The following DICER1 variants were observed in gnomAD, a reference collection of about 807,000 sequenced individuals.
DICER1 encodes endoribonuclease Dicer.
In DICER1, 43 loss-of-function variants were observed where a neutral mutation model predicts 194.1. That is an observed-to-expected ratio of 0.22 (90% CI 0.17 to 0.29). The LOEUF (loss-of-function observed/expected upper bound fraction) is 0.29. Ranked by LOEUF, DICER1 falls within the 10% of genes least tolerant of loss-of-function variation. The pLI, the probability that DICER1 is intolerant of heterozygous loss-of-function variation, is 1.00. For missense variants in DICER1, 1,608 were observed against 2,317.0 expected (o/e 0.69, Z 6.28); for synonymous variants, 832 against 820.5 (o/e 1.01, Z -0.24).
At chr14:95,098,727 C>G (rs1890584821) in intron 22 of DICER1, among the ~76,000 whole-genome samples, 1 of 152,168 alleles carries the variant, frequency 6.6e-6, no homozygotes, top group East Asian at 1.9e-4. Context: ...CTCTAAGGTT[C>G]TACATATTTC....
rs1399643643 is a variant in DICER1, at chr14:95,086,799, G to T, written c.*3699C>A. On this transcript the variant is annotated 3_prime_UTR_variant, in exon 27 of 27. Coordinates refer to ENST00000343455, the MANE Select transcript of DICER1 (RefSeq NM_177438.3). ...CTTTTCATGTACAATATAAAATAAA[G>T]AAATTTATCTGGAAATAATTAAATT... 4 of 232,038 alleles carry T rather than the reference G, an allele frequency of 1.7e-5. No individual in the cohort carries two copies. The highest frequency in any genetic ancestry group is 8.8e-5 in the African/African-American group (4 of 45,256). The allele number at this position is 232,038 out of a possible 1,614,324, so 14.4% of individuals were successfully genotyped here. A position where few individuals can be genotyped will look rare whatever the true frequency, so the allele number is the denominator to read the frequency against.
chr14:95,103,561 G>T lies in DICER1; in HGVS notation c.3835C>A (p.Gln1279Lys). 1 of 1,614,162 alleles carries T rather than the reference G, an allele frequency of 6.2e-7. No individual in the cohort carries two copies. Among genetic ancestry groups the T allele is most frequent in the Non-Finnish European group, 8.5e-7 (1 of 1,180,016 alleles). Reference sequence around the variant, plus strand: ...GAGGAGTACCCAATAGAAGGGCTCTGCTCAGAATCCATCCTGCCCTTGAGC... The same window carrying T: ...GAGGAGTACCCAATAGAAGGGCTCTTCTCAGAATCCATCCTGCCCTTGAGC... The part of the protein sequence containing the change: ...QVLKGRMDSE[Q>K]SPSIGYSSRT... Residue 1279 changes from glutamine (Q) to lysine (K), a missense_variant, in exon 21 of 27, where the codon CAG (glutamine) becomes AAG (lysine). Physicochemically the swap from Gln to Lys is moderately conservative, Grantham distance 53 (BLOSUM62 1). Around this residue, in one of 10 missense-constraint regions of DICER1, gnomAD observed 222 missense variants for 215.5 expected, o/e 1.03. Transcript: ENST00000343455.
chr14:95,107,545 C>G, intron 17 of DICER1, 63 bp downstream of exon 17: 2 of 1,572,912 alleles, frequency 1.3e-6, no homozygotes, highest in Non-Finnish European at 1.7e-6. Flanking sequence ...CCACCGTGCC[C>G]GACCTAGTGC....
At chr14:95,134,807 T>C (rs944252719) in intron 1 of DICER1, among the ~76,000 whole-genome samples, 3 of 152,204 alleles carry the variant, frequency 2.0e-5, no homozygotes, top group Non-Finnish European at 4.4e-5. Context: ...ACGCTCATCA[T>C]CTTTCCAGAA....
chr14:95,127,348 T>C (rs1241738381), intron 6 of DICER1, among the ~76,000 whole-genome samples: 1 of 152,230 alleles, frequency 6.6e-6, no homozygotes, highest in Non-Finnish European at 1.5e-5. Flanking sequence ...CATGCCTTCC[T>C]AAAGTGGTAC....
chr14:95,153,059 T>C (rs1566835240), intron 1 of DICER1, among the ~76,000 whole-genome samples: 1 of 151,558 alleles, frequency 6.6e-6, no homozygotes, highest in Non-Finnish European at 1.5e-5. Flanking sequence ...CTACTAAAAA[T>C]ACAAAAAATT....
At position 95,087,098 on chromosome 14, in the gene DICER1, C is replaced by A. The variant is rs1889394733; in HGVS notation, c.*3400G>T. The A allele has an allele frequency of 4.3e-6, 1 of 233,286 alleles. No homozygotes were observed. Among genetic ancestry groups the A allele is most frequent in the African/African-American group, 2.2e-5 (1 of 45,438 alleles). The allele number at this position is 233,286 out of a possible 1,614,324, so 14.5% of individuals were successfully genotyped here. A position where few individuals can be genotyped will look rare whatever the true frequency, so the allele number is the denominator to read the frequency against. On this transcript the variant is annotated 3_prime_UTR_variant, in exon 27 of 27. Coordinates refer to ENST00000343455, the MANE Select transcript of DICER1 (RefSeq NM_177438.3). ...GCATGAACTGCGCTCGATCTGGATT[C>A]CAGTGATCCTCTGCAGTGCCCACCT...
At chr14:95,117,349 G>C (rs184388824) in intron 9 of DICER1, among the ~76,000 whole-genome samples, 30 of 152,264 alleles carry the variant, frequency 2.0e-4, no homozygotes, top group African/African-American at 6.3e-4. Flanking sequence ...ATGAAATGCA[G>C]TTGTGTAACA....
At chr14:95,100,893 G>C (rs1436393872) in intron 21 of DICER1, among the ~76,000 whole-genome samples, 1 of 152,214 alleles carries the variant, frequency 6.6e-6, no homozygotes, top group Admixed American at 6.5e-5. Flanking sequence ...AGGAGGGTAC[G>C]TGTGACCACT....
At chr14:95,104,791 A>G (rs1891260017) in intron 20 of DICER1, among the ~76,000 whole-genome samples, 1 of 152,196 alleles carries the variant, frequency 6.6e-6, no homozygotes, top group South Asian at 2.1e-4. Flanking sequence ...TTGCTTTTTA[A>G]CATATATTTG....
At chr14:95,100,383 G>A (rs1233471155) in intron 21 of DICER1, among the ~76,000 whole-genome samples, 2 of 152,198 alleles carry the variant, frequency 1.3e-5, no homozygotes, top group African/African-American at 4.8e-5. Context: ...AGCTCTAGCT[G>A]CAAAGTGAAA....
intron 1 of DICER1, among the ~76,000 whole-genome samples, chr14:95,146,481 C>T (rs919521801): frequency 2.0e-5 from 3 of 152,238 alleles, no homozygotes; most frequent in African/African-American, 7.2e-5. Flanking sequence ...AACCACACAA[C>T]TTCGGGTGGG....
rs374971328 is a variant in DICER1, at chr14:95,150,732, T to C, written c.-46+6498A>G. ...TAATTACAAATGAAAACTAGTATTT[T>C]TATTCAGTGGAAAAACCAGATAGAT... On this transcript the variant is annotated intron_variant, in intron 1 of 26. Coordinates refer to ENST00000343455, the MANE Select transcript of DICER1 (RefSeq NM_177438.3). Among the ~76,000 whole-genome samples the C allele has an allele frequency of 3.3e-4, 50 of 152,324 alleles. No homozygotes were observed. In the East Asian group the frequency reaches 6.4e-3, roughly 19 times the overall value.
In DICER1 at chr14:95,103,754, A is replaced by C; in HGVS notation, c.3642T>G (p.Thr1214=). 1 of 1,614,180 alleles carries C rather than the reference A, an allele frequency of 6.2e-7. No individual in the cohort carries two copies. The highest frequency in any genetic ancestry group is 8.5e-7 in the Non-Finnish European group (1 of 1,180,014). The change falls in exon 21 of 27, where the codon ACT becomes ACG. Residue 1214 remains threonine, a synonymous_variant. Coordinates refer to ENST00000343455, the MANE Select transcript of DICER1 (RefSeq NM_177438.3). The part of the protein sequence containing the change: ...YYKQEIPVQP[T]TSYSIQNLYS... ...ATAAATTCTGAATGGAATATGAGGT[A>C]GTTGGTTGCACGGGTATTTCCTGCT...
At chr14:95,090,811 G>C (rs1431021583) in intron 26 of DICER1, 148 bp from the exon 27 acceptor site, 2 of 1,044,164 alleles carry the variant, frequency 1.9e-6, no homozygotes, top group Non-Finnish European at 2.9e-6. Flanking sequence ...TACTGCAATT[G>C]CATACCCCCG....
At chr14:95,112,881 T>G (rs980729117) in intron 12 of DICER1, among the ~76,000 whole-genome samples, 15 of 152,238 alleles carry the variant, frequency 9.9e-5, no homozygotes, top group Non-Finnish European at 2.2e-4. Context: ...AATATGAACA[T>G]GTAGATGACT....
intron 15 of DICER1, 36 bp from the exon 16 acceptor site, chr14:95,108,129 T>A: frequency 6.7e-7 from 1 of 1,503,520 alleles, no homozygotes; most frequent in Non-Finnish European, 9.3e-7. Context: ...CCCTCAAAAT[T>A]AACAGGTATT....
At chr14:95,102,785 T>C (rs1225286098) in intron 21 of DICER1, among the ~76,000 whole-genome samples, 1 of 152,192 alleles carries the variant, frequency 6.6e-6, no homozygotes, top group Non-Finnish European at 1.5e-5. Flanking sequence ...CTCTGAGCTA[T>C]CGAGCGTTAA....
chr14:95,103,678 T>C lies in DICER1; in HGVS notation c.3718A>G (p.Asn1240Asp). The change falls in exon 21 of 27, where the codon AAT becomes GAT. Residue 1240 changes from asparagine to aspartate, a missense_variant. Transcript: ENST00000343455. ...QPSDECTLLS[N>D]KYLDGNANKS... ...TTAGCATTTCCATCAAGGTATTTATTACTCAGGAGAGTACATTCATCGCTG... is the reference window on the plus strand; with the variant it reads ...TTAGCATTTCCATCAAGGTATTTATCACTCAGGAGAGTACATTCATCGCTG... 1 of 1,614,222 alleles carries C rather than the reference T, an allele frequency of 6.2e-7. No homozygotes were observed. The highest frequency in any genetic ancestry group is 8.5e-7 in the Non-Finnish European group (1 of 1,180,024).
Sources: gnomAD v4.1 joint callset for allele counts (sites outside exome capture counted in the v4.1 genomes callset) on GRCh38, gnomAD v4.1.1 for gene constraint, gnomAD v4.1.1 regional missense constraint, MANE v1.5 for transcripts, NCBI Gene and HGNC (gene_info 2026-07-23, HGNC 2026-07-21) for gene names.